Variants in TBC1D5 observed in about 807,000 individuals in gnomAD.
The protein encoded by TBC1D5 is TBC1 domain family member 5.
In TBC1D5, 75 loss-of-function variants were observed where a neutral mutation model predicts 100.3. The observed-to-expected ratio is 0.75, with a 90% confidence interval of 0.62 to 0.91. TBC1D5 has a LOEUF of 0.91. Among genes scored for constraint, TBC1D5 ranks in the 40% least tolerant of loss-of-function variants. The pLI, the probability that TBC1D5 is intolerant of heterozygous loss-of-function variation, is 0.00. For synonymous variants in TBC1D5, 323 were observed against 325.6 expected, an observed-to-expected ratio of 0.99 and a Z score of 0.09; for missense variants, 910 against 942.4, an observed-to-expected ratio of 0.97 and a Z score of 0.45.
intron 3 of TBC1D5, among the ~76,000 whole-genome samples, chr3:17,479,635 G>C (rs1437128738): frequency 6.6e-6 from 1 of 152,082 alleles, no homozygotes; most frequent in Non-Finnish European, 1.5e-5. Flanking sequence ...CCAGGAATTT[G>C]AGACCAGCCT....
intron 2 of TBC1D5, among the ~76,000 whole-genome samples, chr3:17,530,328 T>C (rs141805131): frequency 8.2e-4 from 125 of 151,800 alleles, no homozygotes; most frequent in Non-Finnish European, 1.4e-3. Context: ...TACACCTAGA[T>C]TGAAAATATC....
intron 3 of TBC1D5, among the ~76,000 whole-genome samples, chr3:17,468,169 T>C (rs1421417811): frequency 1.3e-5 from 2 of 152,190 alleles, no homozygotes; most frequent in Non-Finnish European, 2.9e-5. Context: ...TGTACAGACA[T>C]TTAGGAACAC....
intron 18 of TBC1D5, among the ~76,000 whole-genome samples, chr3:17,205,789 A>G (rs1431147114): frequency 6.6e-6 from 1 of 152,190 alleles, no homozygotes; most frequent in Non-Finnish European, 1.5e-5. Flanking sequence ...TGTGTGTGAT[A>G]TAATTGGCTG....
intron 2 of TBC1D5, among the ~76,000 whole-genome samples, chr3:17,561,417 C>G (rs1340361415): frequency 6.6e-6 from 1 of 151,890 alleles, no homozygotes; most frequent in East Asian, 1.9e-4. Flanking sequence ...AATAAATGAG[C>G]CAGCACTTAT....
intron 13 of TBC1D5, among the ~76,000 whole-genome samples, chr3:17,318,632 C>T (rs915917597): frequency 1.3e-5 from 2 of 152,204 alleles, no homozygotes; most frequent in African/African-American, 4.8e-5. Flanking sequence ...GGTCACATTT[C>T]ATCCAAAGAC....
intron 13 of TBC1D5, among the ~76,000 whole-genome samples, chr3:17,363,609 C>T (rs978745914): frequency 1.6e-4 from 24 of 151,256 alleles, no homozygotes; most frequent in Non-Finnish European, 5.9e-5. Flanking sequence ...AAGGGTCTCA[C>T]TACCTTGCCC....
chr3:17,174,893 G>C (rs1479065349), intron 19 of TBC1D5, among the ~76,000 whole-genome samples: 2 of 152,122 alleles, frequency 1.3e-5, no homozygotes, highest in Non-Finnish European at 1.5e-5. Context: ...TGCCCAGCCA[G>C]AACTGTTTTT....
chr3:17,258,548 T>A, exon 16 of TBC1D5: 1 of 1,612,890 alleles, frequency 6.2e-7, no homozygotes, highest in South Asian at 1.1e-5. Context: ...TTTGTAATAA[T>A]CTAAATTTGG....
intron 2 of TBC1D5, among the ~76,000 whole-genome samples, chr3:17,552,590 T>C (rs1002825989): frequency 6.6e-6 from 1 of 152,024 alleles, no homozygotes; most frequent in African/African-American, 2.4e-5. Context: ...AAGACACTAG[T>C]CTCTGACCAA....
rs536873541 is a variant in TBC1D5, at chr3:17,351,113, A to C, written c.995+20962T>G. On this transcript the variant is annotated intron_variant, in intron 13 of 21. Transcript: ENST00000253692. ...GTAAATATTTATTCAATAGAGTCAA[A>C]ATTTCTATGCTTCTTTAAATAAAAG... is the stretch of plus-strand genomic sequence containing the variant. Among the ~76,000 whole-genome samples, 5 of 152,276 alleles carry C rather than the reference A, an allele frequency of 3.3e-5. No homozygotes were observed. The East Asian group carries it at 5.8e-4, about 18-fold the overall frequency.
intron 19 of TBC1D5, chr3:17,184,444 T>TG (rs1230597894): frequency 6.6e-6 from 1 of 152,248 alleles, no homozygotes; most frequent in East Asian, 1.9e-4. Flanking sequence ...TATTTCATTT[T>TG]GGTCTGAGGT....
chr3:17,182,007 G>C (rs1402180956), intron 19 of TBC1D5, among the ~76,000 whole-genome samples: 3 of 151,812 alleles, frequency 2.0e-5, no homozygotes, highest in Non-Finnish European at 4.4e-5. Context: ...ACACATCTAT[G>C]GAAAAAATAA....
At chr3:17,699,808 C>T (rs1460425341) in intron 1 of TBC1D5, among the ~76,000 whole-genome samples, 2 of 143,408 alleles carry the variant, frequency 1.4e-5, no homozygotes, top group African/African-American at 5.2e-5. Context: ...AGTACTGTGT[C>T]AAGGGAAAAA....
intron 14 of TBC1D5, among the ~76,000 whole-genome samples, chr3:17,299,587 G>A (rs138800051): frequency 9.2e-5 from 14 of 152,154 alleles, no homozygotes; most frequent in Non-Finnish European, 1.6e-4. Context: ...GGCCGGGTGC[G>A]GTGGCTCACG....
chr3:17,502,985 G>C (rs575301004), intron 3 of TBC1D5, among the ~76,000 whole-genome samples: 81 of 149,204 alleles, frequency 5.4e-4, no homozygotes, highest in Non-Finnish European at 9.6e-4. Context: ...AGAATATTTC[G>C]ATGGCTTCCG....
Position 17,281,199 on chromosome 3 carries a change from T to C in TBC1D5, c.1245+10696A>G, listed in dbSNP as rs570827692. Among the ~76,000 whole-genome samples, 11 of 152,366 alleles carry C rather than the reference T, an allele frequency of 7.2e-5. No individual in the cohort carries two copies. In the South Asian group the frequency reaches 2.1e-3, roughly 29 times the overall value. On this transcript the variant is annotated intron_variant, in intron 15 of 21. Transcript: ENST00000253692. ...TGTTTCAACCAAGACTTCTGAAAGA[T>C]GGTTCCACGATGCTACTGATACATA...
intron 19 of TBC1D5, among the ~76,000 whole-genome samples, chr3:17,183,651 T>C (rs1185260583): frequency 1.3e-5 from 2 of 152,066 alleles, no homozygotes; most frequent in Admixed American, 6.6e-5. Flanking sequence ...TGGCTGAGGG[T>C]AGAACAGGAC....
rs2153526058 is a variant in TBC1D5, at chr3:17,578,089, T to C, written c.-36+45760A>G. ...TATGAAGGTAATGTAGGAAACACTC[T>C]TGGATATGGCAAAGTCACTCTTTTT... On this transcript the variant is annotated intron_variant, in intron 2 of 21. Coordinates refer to ENST00000253692, the Ensembl canonical transcript of TBC1D5. Among the ~76,000 whole-genome samples the C allele has an allele frequency of 1.3e-5, 2 of 152,162 alleles. 1 individual carries two copies. Among genetic ancestry groups the C allele is most frequent in the South Asian group, 4.1e-4 (2 of 4,832 alleles).
chr3:17,493,800 C>G (rs998028122), intron 3 of TBC1D5, among the ~76,000 whole-genome samples: 1 of 152,186 alleles, frequency 6.6e-6, no homozygotes, highest in Non-Finnish European at 1.5e-5. Context: ...CCTCTCTAAA[C>G]TGGCTATTTT....
Sources: gnomAD v4.1 joint callset for allele counts (sites outside exome capture counted in the v4.1 genomes callset) on GRCh38, gnomAD v4.1.1 for gene constraint, MANE v1.5 for transcripts, NCBI Gene and HGNC (gene_info 2026-07-23, HGNC 2026-07-21) for gene names.